Variants in CPNE4 observed in about 807,000 individuals in gnomAD.
CPNE4 encodes copine 4.
In CPNE4, 25 loss-of-function variants were observed where a neutral mutation model predicts 67.9. The ratio of observed to expected loss-of-function variants is 0.37; its 90% CI spans 0.27 to 0.51. The LOEUF is 0.51. CPNE4 is among the 20% of genes least tolerant of loss of function. The pLI, the probability that CPNE4 is intolerant of heterozygous loss-of-function variation, is 0.93. For synonymous variants in CPNE4, 242 were observed against 244.9 expected (o/e 0.99, Z 0.11); for missense variants, 464 against 690.8 (o/e 0.67, Z 3.68).
intron 1 of CPNE4, among the ~76,000 whole-genome samples, chr3:131,926,650 G>C (rs2070904167): frequency 6.6e-6 from 1 of 152,104 alleles, no homozygotes. Flanking sequence ...GCTATTTTAA[G>C]TGGGAATGAA....
chr3:131,844,259 CTTTTT>C (rs569052106), intron 2 of CPNE4, among the ~76,000 whole-genome samples: 3 of 136,170 alleles, frequency 2.2e-5, no homozygotes, highest in Non-Finnish European at 3.2e-5. Context: ...TCTGTATGTT[CTTTTT>C]TTTTTTTTTT....
chr3:131,702,891 C>G (rs572582893), intron 3 of CPNE4, among the ~76,000 whole-genome samples: 1 of 152,266 alleles, frequency 6.6e-6, no homozygotes, highest in East Asian at 1.9e-4. Context: ...AGGAAATATC[C>G]CTTCTTAGGA....
intron 2 of CPNE4, among the ~76,000 whole-genome samples, chr3:131,834,287 T>A (rs1047021384): frequency 2.0e-5 from 3 of 152,210 alleles, no homozygotes; most frequent in Non-Finnish European, 4.4e-5. Context: ...CCTTTTAATT[T>A]GTGTTTCTTA....
intron 7 of CPNE4, among the ~76,000 whole-genome samples, chr3:131,654,710 C>A (rs1338294660): frequency 6.6e-6 from 1 of 152,124 alleles, no homozygotes; most frequent in Non-Finnish European, 1.5e-5. Context: ...GAATTTTCAC[C>A]CTTAAATCCC....
At chr3:131,816,686 G>C (rs2084756240) in intron 2 of CPNE4, among the ~76,000 whole-genome samples, 1 of 152,138 alleles carries the variant, frequency 6.6e-6, no homozygotes, top group South Asian at 2.1e-4. Context: ...TAACACCCAG[G>C]GATTTTCTCT....
chr3:131,698,218 G>C (rs2081202522), intron 4 of CPNE4, among the ~76,000 whole-genome samples: 1 of 112,050 alleles, frequency 8.9e-6, no homozygotes, highest in Non-Finnish European at 1.8e-5. Context: ...CTGGGAGAGG[G>C]GCAAGGCTCT....
At chr3:131,698,980 G>T (rs192774751) in intron 4 of CPNE4, among the ~76,000 whole-genome samples, 1 of 151,218 alleles carries the variant, frequency 6.6e-6, no homozygotes, top group African/African-American at 2.4e-5. Flanking sequence ...AACTCAAGAG[G>T]TTCGTTTTCT....
At chr3:132,020,979 C>T (rs1346990035) in intron 1 of CPNE4, among the ~76,000 whole-genome samples, 1 of 152,152 alleles carries the variant, frequency 6.6e-6, no homozygotes. Flanking sequence ...TTTTTTCTCT[C>T]CAGGTAAGAT....
At chr3:131,550,616 T>C (rs993261596) in intron 13 of CPNE4, among the ~76,000 whole-genome samples, 2 of 152,080 alleles carry the variant, frequency 1.3e-5, no homozygotes, top group Non-Finnish European at 2.9e-5. Flanking sequence ...CATGACCATC[T>C]CTCCAGATGT....
intron 6 of CPNE4, among the ~76,000 whole-genome samples, chr3:131,675,290 A>T (rs1367495908): frequency 6.6e-6 from 1 of 152,132 alleles, no homozygotes; most frequent in Non-Finnish European, 1.5e-5. Flanking sequence ...TTCTGCAGTC[A>T]TTAGTTGAAA....
intron 1 of CPNE4, among the ~76,000 whole-genome samples, chr3:131,954,462 A>G (rs1010467309): frequency 6.6e-6 from 1 of 152,172 alleles, no homozygotes. Context: ...CAGATTCCCT[A>G]TAATAAAACA....
intron 2 of CPNE4, among the ~76,000 whole-genome samples, chr3:131,822,576 G>A (rs569569128): frequency 6.6e-6 from 1 of 152,218 alleles, no homozygotes; most frequent in East Asian, 1.9e-4. Flanking sequence ...TTGGAAAGTT[G>A]TCTAGCTTTT....
At chr3:131,687,573 T>C (rs1460173254) in intron 5 of CPNE4, among the ~76,000 whole-genome samples, 1 of 152,220 alleles carries the variant, frequency 6.6e-6, no homozygotes, top group Non-Finnish European at 1.5e-5. Context: ...TTATTATTCC[T>C]AAATGTTAAG....
rs374804804 is a variant in CPNE4 at position 131,956,153 on chromosome 3, A to C, written c.-1-50709T>G. On this transcript the variant is annotated intron_variant, in intron 1 of 15. Transcript: ENST00000429747. ...TTAGGAATTATTCATTTATGGTCTT[A>C]AATAAGATCAGTCATTAGAATTATT... Among the ~76,000 whole-genome samples, 100 of 152,280 alleles carry C rather than the reference A, an allele frequency of 6.6e-4. 1 individual carries two copies. Among genetic ancestry groups the C allele is most frequent in the African/African-American group, 2.3e-3 (96 of 41,566 alleles).
At chr3:131,840,223 A>C (rs1426642002) in intron 2 of CPNE4, among the ~76,000 whole-genome samples, 1 of 152,168 alleles carries the variant, frequency 6.6e-6, no homozygotes, top group East Asian at 1.9e-4. Context: ...ATTAGTTTCC[A>C]ATTTTATTCC....
intron 7 of CPNE4, among the ~76,000 whole-genome samples, chr3:131,601,141 T>G (rs545918829): frequency 1.2e-4 from 18 of 152,296 alleles, no homozygotes; most frequent in African/African-American, 4.1e-4. Flanking sequence ...ATCTCCTCTG[T>G]TTCACTGGAC....
intron 1 of CPNE4, among the ~76,000 whole-genome samples, chr3:131,948,856 T>C (rs577600928): frequency 6.6e-6 from 1 of 152,168 alleles, no homozygotes; most frequent in East Asian, 1.9e-4. Context: ...TAAAATTCCA[T>C]GCAGGAAAAA....
At chr3:131,745,336 T>C (rs573784664) in intron 2 of CPNE4, among the ~76,000 whole-genome samples, 1 of 152,230 alleles carries the variant, frequency 6.6e-6, no homozygotes, top group South Asian at 2.1e-4. Context: ...GTTACATATG[T>C]GGTCTGTAAA....
intron 2 of CPNE4, among the ~76,000 whole-genome samples, chr3:131,829,696 A>T (rs2085296823): frequency 6.6e-6 from 1 of 152,234 alleles, no homozygotes; most frequent in African/African-American, 2.4e-5. Flanking sequence ...ACAAATGTTG[A>T]TGATACTAAG....
Sources: gnomAD v4.1 joint callset for allele counts (sites outside exome capture counted in the v4.1 genomes callset) on GRCh38, gnomAD v4.1.1 for gene constraint, MANE v1.5 for transcripts, NCBI Gene and HGNC (gene_info 2026-07-23, HGNC 2026-07-21) for gene names.